Variants in GRM3 observed in about 807,000 individuals in gnomAD.
GRM3 encodes metabotropic glutamate receptor 3.
GRM3 carries 26 observed loss-of-function variants against 70.5 expected under a neutral mutation model. The ratio of observed to expected loss-of-function variants is 0.37; its 90% CI spans 0.27 to 0.51. GRM3 has a LOEUF of 0.51. GRM3 is among the 20% of genes least tolerant of loss of function. The probability of loss-of-function intolerance (pLI) is 0.93; values close to 1 mark genes in which losing one functional copy is unlikely to be tolerated. For synonymous variants in GRM3, 443 were observed against 434.9 expected, an observed-to-expected ratio of 1.02 and a Z score of -0.23; for missense variants, 859 against 1,123.8, an observed-to-expected ratio of 0.76 and a Z score of 3.37.
chr7:86,698,616 G>C (rs956478243), intron 1 of GRM3, among the ~76,000 whole-genome samples: 1 of 148,498 alleles, frequency 6.7e-6, no homozygotes, highest in Non-Finnish European at 1.5e-5. Flanking sequence ...CACTATAAAA[G>C]CTTGGAACCC....
chr7:86,765,753 GATA>G, intron 2 of GRM3, 140 bp downstream of exon 2: 1 of 743,480 alleles, frequency 1.3e-6, no homozygotes, highest in Non-Finnish European at 2.1e-6. Context: ...GTTATAATTT[GATA>G]ATATAGGTTT....
intron 1 of GRM3, among the ~76,000 whole-genome samples, chr7:86,742,600 C>T (rs1284737160): frequency 6.6e-6 from 1 of 151,918 alleles, no homozygotes; most frequent in Non-Finnish European, 1.5e-5. Context: ...TGGATTGGTA[C>T]AGTTTACAAG....
At chr7:86,777,743 C>A (rs1410106952) in intron 2 of GRM3, among the ~76,000 whole-genome samples, 1 of 152,126 alleles carries the variant, frequency 6.6e-6, no homozygotes, top group Non-Finnish European at 1.5e-5. Flanking sequence ...CCTTTATGGG[C>A]AGATAACTCA....
At chr7:86,676,125 A>T (rs1384330737) in intron 1 of GRM3, among the ~76,000 whole-genome samples, 2 of 151,936 alleles carry the variant, frequency 1.3e-5, no homozygotes, top group Non-Finnish European at 2.9e-5. Context: ...CTCAAGCTAA[A>T]GCTCTTAGCA....
At chr7:86,696,671 G>A (rs1794824688) in intron 1 of GRM3, among the ~76,000 whole-genome samples, 1 of 151,790 alleles carries the variant, frequency 6.6e-6, no homozygotes, top group Non-Finnish European at 1.5e-5. Flanking sequence ...AGTATTTTCT[G>A]CTTTTGGTTC....
chr7:86,748,716 A>G (rs1404476855), intron 1 of GRM3, among the ~76,000 whole-genome samples: 1 of 152,052 alleles, frequency 6.6e-6, no homozygotes, highest in Non-Finnish European at 1.5e-5. Flanking sequence ...GAGCAGTGGG[A>G]CTATTACATT....
At chr7:86,662,432 C>T (rs1442942047) in intron 1 of GRM3, among the ~76,000 whole-genome samples, 1 of 151,612 alleles carries the variant, frequency 6.6e-6, no homozygotes, top group Non-Finnish European at 1.5e-5. Context: ...CACAATGAAC[C>T]CTCAATAAAT....
chr7:86,803,793 G>A (rs867243575), intron 3 of GRM3, among the ~76,000 whole-genome samples: 42 of 152,180 alleles, frequency 2.8e-4, no homozygotes, highest in African/African-American at 9.2e-4. Flanking sequence ...CCTCATGTTT[G>A]ATGGCCCACC....
intron 3 of GRM3, among the ~76,000 whole-genome samples, chr7:86,804,983 G>T (rs560134852): frequency 1.3e-5 from 2 of 152,064 alleles, no homozygotes; most frequent in Non-Finnish European, 2.9e-5. Context: ...GCATGGTGGA[G>T]CATGCCTGTA....
At chr7:86,823,784 A>G (rs1247397985) in intron 3 of GRM3, among the ~76,000 whole-genome samples, 3 of 152,046 alleles carry the variant, frequency 2.0e-5, no homozygotes, top group South Asian at 2.1e-4. Flanking sequence ...ACCCTCCCTT[A>G]AAAAGACTTC....
intron 4 of GRM3, among the ~76,000 whole-genome samples, chr7:86,844,950 C>T (rs1364431574): frequency 2.6e-5 from 4 of 152,000 alleles, no homozygotes; most frequent in African/African-American, 7.3e-5. Context: ...AGGGCAATGG[C>T]GTGACCTTGG....
chr7:86,748,361 G>A (rs1796154191), intron 1 of GRM3, among the ~76,000 whole-genome samples: 1 of 151,942 alleles, frequency 6.6e-6, no homozygotes, highest in African/African-American at 2.4e-5. Context: ...AAGTCATTTG[G>A]AGGCAAGTAA....
intron 4 of GRM3, among the ~76,000 whole-genome samples, chr7:86,840,984 T>C (rs2116742159): frequency 6.6e-6 from 1 of 152,226 alleles, no homozygotes; most frequent in South Asian, 2.1e-4. Flanking sequence ...GGTGACTACA[T>C]TGTATTCTTA....
intron 1 of GRM3, among the ~76,000 whole-genome samples, chr7:86,685,968 G>C (rs1054956766): frequency 6.6e-6 from 1 of 150,440 alleles, no homozygotes; most frequent in Non-Finnish European, 1.5e-5. Flanking sequence ...AATTTAATGA[G>C]ATAATACAAT....
At chr7:86,838,508 G>A (rs2116733709) in intron 3 of GRM3, among the ~76,000 whole-genome samples, 1 of 152,236 alleles carries the variant, frequency 6.6e-6, no homozygotes, top group South Asian at 2.1e-4. Context: ...TTATCATGAA[G>A]TCTTTCAAGA....
intron 1 of GRM3, among the ~76,000 whole-genome samples, chr7:86,696,882 A>G (rs771154878): frequency 3.9e-5 from 6 of 152,112 alleles, no homozygotes; most frequent in African/African-American, 9.7e-5. Flanking sequence ...ACCCAAAACT[A>G]TCTGTTGCCC....
chr7:86,725,206 T>A (rs1795563372), intron 1 of GRM3, among the ~76,000 whole-genome samples: 2 of 152,160 alleles, frequency 1.3e-5, no homozygotes, highest in African/African-American at 4.8e-5. Flanking sequence ...TACTAATCTT[T>A]AAGGATTGAT....
chr7:86,824,132 T>C (rs1273144296), intron 3 of GRM3, among the ~76,000 whole-genome samples: 1 of 152,162 alleles, frequency 6.6e-6, no homozygotes, highest in Non-Finnish European at 1.5e-5. Context: ...TCCTGCCTTA[T>C]CTTTTAATAG....
intron 1 of GRM3, among the ~76,000 whole-genome samples, chr7:86,718,430 A>G (rs547061375): frequency 2.0e-5 from 3 of 152,114 alleles, no homozygotes; most frequent in Non-Finnish European, 4.4e-5. Flanking sequence ...TGAGACAGAG[A>G]GAGGAAAGGC....
Sources: allele counts gnomAD v4.1 joint callset (sites outside exome capture counted in the v4.1 genomes callset), GRCh38; gene constraint gnomAD v4.1.1; transcripts MANE v1.5; gene names NCBI Gene and HGNC (gene_info 2026-07-23, HGNC 2026-07-21).